Variants in IDH3G observed in about 807,000 individuals in gnomAD.
IDH3G encodes isocitrate dehydrogenase (NAD(+)) 3 non-catalytic subunit gamma, also known as isocitrate dehydrogenase [NAD] subunit gamma, mitochondrial.
A neutral mutation model predicts 26.9 loss-of-function variants in IDH3G; 9 were observed. The ratio of observed to expected loss-of-function variants is 0.34; its 90% CI spans 0.20 to 0.58. The LOEUF (loss-of-function observed/expected upper bound fraction) is 0.58. Among genes scored for constraint, IDH3G ranks in the 20% least tolerant of loss-of-function variants. The probability of loss-of-function intolerance (pLI) is 0.85; values close to 1 mark genes in which losing one functional copy is unlikely to be tolerated. For synonymous variants in IDH3G, 181 were observed against 160.0 expected (o/e 1.13, Z -0.99); for missense variants, 250 against 372.8 (o/e 0.67, Z 2.71).
At chrX:153,790,941 G>A in intron 1 of IDH3G, 90 bp from the exon 2 acceptor site, 1 of 844,859 alleles carries the variant, frequency 1.2e-6, no homozygotes, top group South Asian at 2.1e-5. Context: ...ACTGTGCCCA[G>A]GCAGGTCCCC....
rs370835413 is a variant in IDH3G at position 153,786,912 on chromosome X, C to T, written c.813G>A (p.Val271=). 4.1e-6 allele frequency: 5 copies of T among 1,209,468 alleles called. No homozygotes were observed. Among genetic ancestry groups the T allele is most frequent in the Non-Finnish European group, 5.6e-6 (5 of 894,413 alleles). Residue 271 remains valine (V), a synonymous_variant, in exon 10 of 13, where the codon GTG becomes GTA. Coordinates refer to ENST00000217901, the MANE Select transcript of IDH3G (RefSeq NM_004135.4). The part of the protein sequence containing the change: ...VSRPQQFDVM[V]MPNLYGNIVN... ...CGATGTTGCCATAGAGATTGGGCAT[C>T]ACCATGACATCAAACTGCTGGGGCC...
chrX:153,785,901 C>T lies in IDH3G; in HGVS notation c.1153G>A (p.Val385Ile), dbSNP rs7890126. Residue 385 changes from valine (V) to isoleucine (I), a missense_variant, in exon 13 of 13, where the codon GTC (valine) becomes ATC (isoleucine). Transcript: ENST00000217901. ...AIQDVIRHIR[V>I]INGRAVEA ...GCCTCCACGGCCCGGCCGTTGATGA[C>T]GCGGATGTGGCGGATGACGTCCTGG... 4.9e-4 allele frequency: 595 copies of T among 1,210,088 alleles called. 3 individuals are homozygous for T. In the African/African-American group the frequency reaches 8.5e-3, roughly 17 times the overall value.
In IDH3G at chrX:153,785,820, T is replaced by C; in HGVS notation, c.*52A>G. Reference sequence around the variant, plus strand: ...CTGCGTACCAGGCTGGCTGGGGTGCTGGAGTGGGAAGGGGAATCCAAGGAG... The same window carrying C: ...CTGCGTACCAGGCTGGCTGGGGTGCCGGAGTGGGAAGGGGAATCCAAGGAG... On this transcript the variant is annotated 3_prime_UTR_variant, in exon 13 of 13. Transcript: ENST00000217901. 8.5e-7 allele frequency: 1 copy of C among 1,180,714 alleles called. No homozygotes were observed. Among genetic ancestry groups the C allele is most frequent in the South Asian group, 1.8e-5 (1 of 55,963 alleles).
At chrX:153,791,004 A>G in intron 1 of IDH3G, 153 bp from the exon 2 acceptor site, 2 of 478,208 alleles carry the variant, frequency 4.2e-6, no homozygotes, top group Admixed American at 3.6e-5. Flanking sequence ...TTAGCTCCAA[A>G]GCCTCAGTCC....
rs7056515 is a variant in IDH3G, at chrX:153,787,787, C to T, written c.540+36G>A. 1.2e-4 allele frequency: 138 copies of T among 1,190,645 alleles called. No homozygotes were observed. In the African/African-American group the frequency reaches 1.6e-3, roughly 13 times the overall value. On this transcript the variant is annotated intron_variant, in intron 7 of 12. Coordinates refer to ENST00000217901, the MANE Select transcript of IDH3G (RefSeq NM_004135.4). ...CCTTAAGCTCTCCCCTTAATCTTGACGCTGGGGGGGCTCATCTCGGGCCCC... is the reference window on the plus strand; with the variant it reads ...CCTTAAGCTCTCCCCTTAATCTTGATGCTGGGGGGGCTCATCTCGGGCCCC...
Position 153,785,780 on chromosome X carries a change from G to A in IDH3G, c.*92C>T, listed in dbSNP as rs781935636. ...CCCACGCCAAGTCTAGGGAGAAGGT[G>A]CTTTATTCTGGGATCTGCGTACCAG... is the stretch of plus-strand genomic sequence containing the variant. On this transcript the variant is annotated 3_prime_UTR_variant, in exon 13 of 13. Transcript: ENST00000217901. 1.7e-4 allele frequency: 173 copies of A among 1,036,964 alleles called. 1 individual carries two copies. Among genetic ancestry groups the A allele is most frequent in the South Asian group, 6.4e-4 (32 of 49,870 alleles). The allele number at this position is 1,036,964 out of a possible 1,213,427, so 85.5% of individuals were successfully genotyped here. A position where few individuals can be genotyped will look rare whatever the true frequency, so the allele number is the denominator to read the frequency against.
chrX:153,787,911 AG>A lies in IDH3G; in HGVS notation c.451del (p.Leu151PhefsTer5). On this transcript the variant is annotated frameshift_variant, in exon 7 of 13. Transcript: ENST00000217901. LOFTEE classifies it high-confidence loss of function. ...CTTGTGCCGGGTCACCACGCCTGGA[AG>A]GCTCTTACAGTGGATGACGTTGGCA... ...LYANVIHCKS[L>X]PGVVTRHKDI... 8.3e-7 allele frequency: 1 copy of A among 1,211,012 alleles called. No individual in the cohort carries two copies. The highest frequency in any genetic ancestry group is 1.1e-6 in the Non-Finnish European group (1 of 894,624).
chrX:153,793,169 C>T (rs2092116504), intron 1 of IDH3G, among the ~76,000 whole-genome samples: 1 of 111,399 alleles, frequency 9.0e-6, no homozygotes, highest in Non-Finnish European at 1.9e-5. Flanking sequence ...CAGGCACACA[C>T]ACAGGGGAGG....
Position 153,790,797 on chromosome X carries a change from G to A in IDH3G, c.123+13C>T. ...GGAGAAAGACACATGCGTGGGCACG[G>A]GCAGGTACTTACTGAAAAGATGTTC... is the stretch of plus-strand genomic sequence containing the variant. On this transcript the variant is annotated intron_variant, in intron 2 of 12. Transcript: ENST00000217901. 8.3e-7 allele frequency: 1 copy of A among 1,209,099 alleles called. No homozygotes were observed. Among genetic ancestry groups the A allele is most frequent in the Non-Finnish European group, 1.1e-6 (1 of 892,572 alleles).
At chrX:153,792,563 C>A (rs782316965) in intron 1 of IDH3G, among the ~76,000 whole-genome samples, 56 of 112,478 alleles carry the variant, frequency 5.0e-4, no homozygotes, top group African/African-American at 1.7e-3. Context: ...TGGACCCCTG[C>A]AGCTCCCAGC....
At position 153,794,150 on chromosome X, in the gene IDH3G, C is replaced by T. The variant is rs868989017; in HGVS notation, c.81+96G>A. 111 of 972,542 alleles carry T rather than the reference C, an allele frequency of 1.1e-4. No homozygotes were observed. In the African/African-American group the frequency reaches 2.0e-3, roughly 18 times the overall value. The allele number at this position is 972,542 out of a possible 1,213,427, so 80.1% of individuals were successfully genotyped here. A position where few individuals can be genotyped will look rare whatever the true frequency, so the allele number is the denominator to read the frequency against. ...AGCCCTTTCCCCGCCCCTGGTGGGG[C>T]CCCTAGCCAATCGGACTCCAGACTG... On this transcript the variant is annotated intron_variant, in intron 1 of 12. Coordinates refer to ENST00000217901, the MANE Select transcript of IDH3G (RefSeq NM_004135.4).
chrX:153,789,273 C>T (rs1362890245), intron 5 of IDH3G: 12 of 324,085 alleles, frequency 3.7e-5, no homozygotes, highest in South Asian at 3.1e-4. Context: ...GGGCTGGGCA[C>T]GACGGCTCAC....
At chrX:153,793,123 C>A (rs781820978) in intron 1 of IDH3G, among the ~76,000 whole-genome samples, 2 of 110,990 alleles carry the variant, frequency 1.8e-5, no homozygotes, top group Admixed American at 1.9e-4. Flanking sequence ...AGCTACCCAC[C>A]GTTCACTGTC....
chrX:153,786,563 C>T (rs1182984024), intron 10 of IDH3G, 114 bp from the exon 11 acceptor site: 2 of 661,241 alleles, frequency 3.0e-6, no homozygotes, highest in African/African-American at 2.2e-5. Context: ...AGCCCACCAG[C>T]GGGTGCCAGG....
Position 153,789,888 on chromosome X carries a change from C to T in IDH3G, c.234-64G>A, listed in dbSNP as rs2092103286. On this transcript the variant is annotated intron_variant, in intron 4 of 12. Transcript: ENST00000217901. ...CCCCGCACCTCCTCCAGGAAGCCTG[C>T]CCAGGCTACCTCTCTCCTGTTGCTA... The T allele has an allele frequency of 5.5e-6, 4 of 731,842 alleles. No homozygotes were observed. The African/African-American group carries it at 6.2e-5, about 11-fold the overall frequency. The allele number at this position is 731,842 out of a possible 1,213,427, so 60.3% of individuals were successfully genotyped here. A position where few individuals can be genotyped will look rare whatever the true frequency, so the allele number is the denominator to read the frequency against.
At chrX:153,790,152 GC>G (rs1557070127) in intron 4 of IDH3G, 42 bp downstream of exon 4, 1 of 1,075,654 alleles carries the variant, frequency 9.3e-7, no homozygotes, top group Non-Finnish European at 1.3e-6. Context: ...AGTCCTCAGG[GC>G]CCCCTGGCTG....
chrX:153,785,779 T>C lies in IDH3G; in HGVS notation c.*93A>G. ...GCCCACGCCAAGTCTAGGGAGAAGGTGCTTTATTCTGGGATCTGCGTACCA... is the reference window on the plus strand; with the variant it reads ...GCCCACGCCAAGTCTAGGGAGAAGGCGCTTTATTCTGGGATCTGCGTACCA... On this transcript the variant is annotated 3_prime_UTR_variant, in exon 13 of 13. Transcript: ENST00000217901. 14 of 1,025,504 alleles carry C rather than the reference T, an allele frequency of 1.4e-5. No homozygotes were observed. The highest frequency in any genetic ancestry group is 7.4e-5 in the African/African-American group (4 of 54,165). 84.5% of individuals were successfully genotyped at this position (1,025,504 alleles called of 1,213,427 possible). A position where few individuals can be genotyped will look rare whatever the true frequency, so the allele number is the denominator to read the frequency against.
chrX:153,794,039 G>A, intron 1 of IDH3G: 1 of 406,542 alleles, frequency 2.5e-6, no homozygotes, highest in Non-Finnish European at 4.1e-6. Context: ...GCCACCCGAT[G>A]CAGACCCCCT....
chrX:153,786,407 C>T lies in IDH3G; in HGVS notation c.967G>A (p.Ala323Thr), dbSNP rs782397174. 4.2e-6 allele frequency: 5 copies of T among 1,202,275 alleles called. No homozygotes were observed. Among genetic ancestry groups the T allele is most frequent in the Middle Eastern group, 2.3e-4 (1 of 4,334 alleles). The change falls in exon 11 of 13, where the codon GCC becomes ACC. Residue 323 changes from alanine (A) to threonine (T), a missense_variant. Around this residue, in one of 2 missense-constraint regions of IDH3G, gnomAD observed 201 missense variants for 331.3 expected, o/e 0.61. Coordinates refer to ENST00000217901, the MANE Select transcript of IDH3G (RefSeq NM_004135.4). ...TGKSIANKNIANPTATLLASC... is the reference protein window; with the variant it reads ...TGKSIANKNITNPTATLLASC... ...GCCAGCAGGGTGGCCGTGGGGTTGGCGATGTTCTTATTGGCGATACTCTTG... is the reference window on the plus strand; with the variant it reads ...GCCAGCAGGGTGGCCGTGGGGTTGGTGATGTTCTTATTGGCGATACTCTTG...
Sources: allele counts gnomAD v4.1 joint callset (sites outside exome capture counted in the v4.1 genomes callset), GRCh38; gene constraint gnomAD v4.1.1; regional missense constraint gnomAD v4.1.1; transcripts MANE v1.5; gene names NCBI Gene and HGNC (gene_info 2026-07-23, HGNC 2026-07-21).